KIF9: variants seen among roughly 807,000 people sequenced by gnomAD.
KIF9 encodes the protein kinesin family member 9, also known as kinesin-like protein KIF9.
In KIF9, 68 loss-of-function variants were observed where a neutral mutation model predicts 94.8. The observed-to-expected ratio is 0.72, with a 90% CI of 0.59 to 0.88. KIF9 has a LOEUF of 0.88. Ranked by LOEUF, KIF9 falls within the 40% of genes least tolerant of loss-of-function variation. The probability of loss-of-function intolerance (pLI) is 0.00; values close to 1 mark genes in which losing one functional copy is unlikely to be tolerated. For missense variants in KIF9, 882 were observed against 982.5 expected, an observed-to-expected ratio of 0.90 and a Z score of 1.37; for synonymous variants, 343 against 362.1, an observed-to-expected ratio of 0.95 and a Z score of 0.60.
chr3:47,274,864 A>G (rs1451540782), intron 3 of KIF9, among the ~76,000 whole-genome samples: 2 of 152,254 alleles, frequency 1.3e-5, no homozygotes, highest in African/African-American at 4.8e-5. Context: ...GGAACATCCT[A>G]GTCAGCAGCC....
chr3:47,245,523 G>A lies in KIF9; in HGVS notation c.1290-12C>T. 3.1e-6 allele frequency: 5 copies of A among 1,603,962 alleles called. No individual in the cohort carries two copies. The South Asian group carries it at 5.5e-5, about 18-fold the overall frequency. ...CCTGTTCCTGTTGGCTTGGGAGACAGCAAGAGAGAACAGCTTGTACCTGGG... is the reference window on the plus strand; with the variant it reads ...CCTGTTCCTGTTGGCTTGGGAGACAACAAGAGAGAACAGCTTGTACCTGGG... On this transcript the variant is annotated splice_polypyrimidine_tract_variant and intron_variant, in intron 13 of 20. Transcript: ENST00000684063.
intron 14 of KIF9, 72 bp downstream of exon 14, chr3:47,245,349 T>C: frequency 3.6e-6 from 4 of 1,121,644 alleles, no homozygotes; most frequent in Non-Finnish European, 5.5e-6. Context: ...CATTAATACT[T>C]GCTGGCTCTG....
At chr3:47,240,081 A>ATTC in intron 17 of KIF9, 1 of 490,804 alleles carries the variant, frequency 2.0e-6, no homozygotes, top group Non-Finnish European at 3.3e-6. Flanking sequence ...TCTGCACTTG[A>ATTC]CCAGCCCTCT....
intron 13 of KIF9, chr3:47,245,930 G>A: frequency 2.0e-6 from 1 of 501,470 alleles, no homozygotes; most frequent in Non-Finnish European, 3.6e-6. Context: ...GCCTCCTGAG[G>A]TGGGAGTGTG....
At chr3:47,245,114 C>T in intron 14 of KIF9, 190 bp from the exon 15 acceptor site, 1 of 676,008 alleles carries the variant, frequency 1.5e-6, no homozygotes, top group Non-Finnish European at 2.5e-6. Context: ...CAAATGTCCA[C>T]TTTCCACATG....
rs778295274 is a variant in KIF9, at chr3:47,265,811, T to C, written c.835A>G (p.Ile279Val). The stretch of plus-strand genomic sequence containing the variant: ...CGCTTCTGGTCCCCAAGGGCAATGA[T>C]GGCCTGCTCCAGGAATGAGAGCGAT... ...NKSLSFLEQAIIALGDQKRDH... is the reference protein window; with the variant it reads ...NKSLSFLEQAVIALGDQKRDH... Residue 279 changes from isoleucine to valine, a missense_variant, in exon 8 of 21, where the codon ATC becomes GTC. Ile to Val is a conservative substitution (Grantham distance 29). Coordinates refer to ENST00000684063, the MANE Select transcript of KIF9 (RefSeq NM_182902.4). 2 of 1,614,214 alleles carry C rather than the reference T, an allele frequency of 1.2e-6. No individual in the cohort carries two copies. Among genetic ancestry groups the C allele is most frequent in the Admixed American group, 3.3e-5 (2 of 60,036 alleles).
chr3:47,263,240 T>G (rs1185584140), intron 9 of KIF9, among the ~76,000 whole-genome samples: 1 of 152,122 alleles, frequency 6.6e-6, no homozygotes. Context: ...CAGAGGAAGG[T>G]TGGGAAAGCC....
At chr3:47,272,685 ATC>A (rs776644416) in intron 4 of KIF9, among the ~76,000 whole-genome samples, 1 of 152,270 alleles carries the variant, frequency 6.6e-6, no homozygotes, top group East Asian at 1.9e-4. Context: ...AATTAATTTC[ATC>A]TGTTTATTTT....
At position 47,246,307 on chromosome 3, in the gene KIF9, G is replaced by T. The variant is rs541302696; in HGVS notation, c.1234-55C>A. The T allele has an allele frequency of 4.2e-5, 62 of 1,476,016 alleles. 1 individual carries two copies. In the South Asian group the frequency reaches 6.6e-4, roughly 16 times the overall value. The allele number at this position is 1,476,016 out of a possible 1,614,324, so 91.4% of individuals were successfully genotyped here. A position where few individuals can be genotyped will look rare whatever the true frequency, so the allele number is the denominator to read the frequency against. ...GACCAAGGGCACCTCGAGGGACCAG[G>T]GGGCATCTATGTTAGTAGAGAAATC... On this transcript the variant is annotated intron_variant, in intron 12 of 20. Coordinates refer to ENST00000684063, the MANE Select transcript of KIF9 (RefSeq NM_182902.4).
rs183283911 is a variant in KIF9 at position 47,256,868 on chromosome 3, T to C, written c.1059+615A>G. Among the ~76,000 whole-genome samples the C allele has an allele frequency of 6.8e-3, 1,029 of 152,308 alleles. 14 individuals are homozygous for C. Among genetic ancestry groups the C allele is most frequent in the African/African-American group, 0.023 (969 of 41,566 alleles). On this transcript the variant is annotated intron_variant, in intron 10 of 20. Transcript: ENST00000684063. The stretch of plus-strand genomic sequence containing the variant: ...CCCCAACCCTGTGCTCTCTGAAACA[T>C]GTGCTGTGTCCACTCAGGGTTAAAT...
chr3:47,259,091 C>T (rs1049336516), intron 9 of KIF9, among the ~76,000 whole-genome samples: 89 of 152,302 alleles, frequency 5.8e-4, no homozygotes, highest in African/African-American at 1.9e-3. Flanking sequence ...ATAGACTCAG[C>T]AGTCTGGGTG....
In KIF9 at chr3:47,265,949, G is replaced by A. The variant is rs566468837; in HGVS notation, c.769-72C>T. 1.2e-5 allele frequency: 19 copies of A among 1,543,074 alleles called. No homozygotes were observed. The South Asian group carries it at 2.2e-4, about 18-fold the overall frequency. ...CCCCACTAAGAATAGCAGTCTTCCT[G>A]GTCTGGAGAAATGCTATAAGTCTGT... On this transcript the variant is annotated intron_variant, in intron 7 of 20. Coordinates refer to ENST00000684063, the MANE Select transcript of KIF9 (RefSeq NM_182902.4).
rs1345439539 is a variant in KIF9 at position 47,275,395 on chromosome 3, A to G, written c.189T>C (p.Asp63=). The change falls in exon 3 of 21, where the codon GAT becomes GAC. Residue 63 remains aspartate, a synonymous_variant. Transcript: ENST00000684063. Reference sequence around the variant, plus strand: ...TCTCATAAACCAAGTCCTGGGAGGCATCGTGAAGAACTCCATCCAACTTAA... The same window carrying G: ...TCTCATAAACCAAGTCCTGGGAGGCGTCGTGAAGAACTCCATCCAACTTAA... ...WSFKLDGVLH[D]ASQDLVYETV... 6.2e-7 allele frequency: 1 copy of G among 1,613,938 alleles called. No individual in the cohort carries two copies. Among genetic ancestry groups the G allele is most frequent in the Non-Finnish European group, 8.5e-7 (1 of 1,179,788 alleles).
At chr3:47,251,608 A>T (rs1191482187) in intron 10 of KIF9, among the ~76,000 whole-genome samples, 6 of 152,184 alleles carry the variant, frequency 3.9e-5, no homozygotes, top group Non-Finnish European at 1.5e-5. Flanking sequence ...ATAGGAAAAA[A>T]ATGCCTTGGA....
intron 11 of KIF9, 99 bp from the exon 12 acceptor site, chr3:47,247,576 C>A: frequency 1.1e-6 from 1 of 943,112 alleles, no homozygotes; most frequent in South Asian, 1.4e-5. Flanking sequence ...GGAGGCTGGG[C>A]ACAGGCCCTG....
intron 10 of KIF9, among the ~76,000 whole-genome samples, chr3:47,254,866 G>A (rs922094164): frequency 6.6e-6 from 1 of 152,086 alleles, no homozygotes; most frequent in African/African-American, 2.4e-5. Flanking sequence ...GCATCTTCAG[G>A]CCCCACCCTA....
intron 17 of KIF9, among the ~76,000 whole-genome samples, chr3:47,239,090 C>T (rs1021037024): frequency 2.0e-5 from 3 of 152,158 alleles, no homozygotes; most frequent in Admixed American, 6.5e-5. Context: ...ATCGCAGCTA[C>T]TTGGGAGGCT....
At chr3:47,281,142 C>A in intron 1 of KIF9, 1 of 655,748 alleles carries the variant, frequency 1.5e-6, no homozygotes, top group Non-Finnish European at 2.8e-6. Context: ...ATGGTAATGG[C>A]TGGAAGTCAG....
chr3:47,267,934 C>T (rs1201107967), intron 5 of KIF9, among the ~76,000 whole-genome samples: 1 of 148,370 alleles, frequency 6.7e-6, no homozygotes, highest in South Asian at 2.1e-4. Context: ...TGTGGTGGCA[C>T]GATCTCGGCT....
Sources: gnomAD v4.1 joint callset for allele counts (sites outside exome capture counted in the v4.1 genomes callset) on GRCh38, gnomAD v4.1.1 for gene constraint, MANE v1.5 for transcripts, NCBI Gene and HGNC (gene_info 2026-07-23, HGNC 2026-07-21) for gene names.